TMEM87A: variants seen among roughly 807,000 people sequenced by gnomAD.
TMEM87A encodes the protein transmembrane protein 87A, also known as Golgi-pH regulating cation channel.
TMEM87A carries 50 observed loss-of-function variants against 90.0 expected under a neutral mutation model. The ratio of observed to expected loss-of-function variants is 0.56; its 90% CI spans 0.44 to 0.70. TMEM87A has a LOEUF of 0.70. TMEM87A is among the 30% of genes least tolerant of loss of function. TMEM87A has a pLI of 0.00. For missense variants in TMEM87A, 577 were observed against 660.5 expected (o/e 0.87, Z 1.39); for synonymous variants, 226 against 226.7 (o/e 1.00, Z 0.03).
intron 6 of TMEM87A, among the ~76,000 whole-genome samples, chr15:42,252,371 C>T (rs2051103276): frequency 6.6e-6 from 1 of 152,182 alleles, no homozygotes; most frequent in South Asian, 2.1e-4. Context: ...CCTATTTGGC[C>T]ATCTTGGAAT....
At chr15:42,247,844 G>A (rs1485343277) in intron 6 of TMEM87A, among the ~76,000 whole-genome samples, 1 of 152,148 alleles carries the variant, frequency 6.6e-6, no homozygotes. Context: ...TAGCTTGATG[G>A]GGATGGCATT....
chr15:42,237,277 A>G (rs2050786313), intron 9 of TMEM87A, among the ~76,000 whole-genome samples, 155 bp downstream of exon 9: 1 of 152,214 alleles, frequency 6.6e-6, no homozygotes, highest in African/African-American at 2.4e-5. Context: ...TAAGATTAAA[A>G]ACAAAAGTCA....
intron 10 of TMEM87A, among the ~76,000 whole-genome samples, chr15:42,235,462 C>T (rs1449754678): frequency 6.6e-6 from 1 of 152,220 alleles, no homozygotes; most frequent in Non-Finnish European, 1.5e-5. Flanking sequence ...CTGCTCCACA[C>T]TTATTTCACC....
chr15:42,264,407 CTT>C (rs2051357366), intron 3 of TMEM87A, among the ~76,000 whole-genome samples: 2 of 152,092 alleles, frequency 1.3e-5, no homozygotes, highest in Admixed American at 6.5e-5. Context: ...AGACTCTAGT[CTT>C]TGGCTCACAA....
chr15:42,237,813 C>A (rs907589916), intron 8 of TMEM87A, among the ~76,000 whole-genome samples, 198 bp from the exon 9 acceptor site: 84 of 151,840 alleles, frequency 5.5e-4, no homozygotes, highest in Admixed American at 5.4e-3. Context: ...CAGGCATAAG[C>A]CACAGCGCCT....
chr15:42,273,561 G>A, upstream of TMEM87A: 1 of 1,285,732 alleles, frequency 7.8e-7, no homozygotes, highest in Non-Finnish European at 1.0e-6. Context: ...AGTCGTCTGT[G>A]CGCCGTGAGA....
At chr15:42,220,652 G>A (rs1595707569) in intron 15 of TMEM87A, among the ~76,000 whole-genome samples, 2 of 152,242 alleles carry the variant, frequency 1.3e-5, no homozygotes, top group African/African-American at 4.8e-5. Flanking sequence ...GTTTACAAGT[G>A]GGAAGCTCAG....
Position 42,217,912 on chromosome 15 carries a change from C to A in TMEM87A, c.1596-79G>T, listed in dbSNP as rs560286519. The A allele has an allele frequency of 5.1e-6, 7 of 1,381,918 alleles. No homozygotes were observed. In the East Asian group the frequency reaches 1.2e-4, roughly 23 times the overall value. The allele number at this position is 1,381,918 out of a possible 1,614,324, so 85.6% of individuals were successfully genotyped here. A position where few individuals can be genotyped will look rare whatever the true frequency, so the allele number is the denominator to read the frequency against. ...GTTCATAAAAGACAATGGAATAATGCAATTAAAAGCTTTATAATTATCTAA... is the reference window on the plus strand; with the variant it reads ...GTTCATAAAAGACAATGGAATAATGAAATTAAAAGCTTTATAATTATCTAA... On this transcript the variant is annotated intron_variant, in intron 18 of 19. Transcript: ENST00000389834.
rs1171218381 is a variant in TMEM87A at position 42,211,694 on chromosome 15, A to T, written c.*14T>A. On this transcript the variant is annotated 3_prime_UTR_variant, in exon 20 of 20. Coordinates refer to ENST00000389834, the MANE Select transcript of TMEM87A (RefSeq NM_015497.5). Reference sequence around the variant, plus strand: ...CTGATGGTAGCCATCTTTAACTGCAAATCTTCCCATTCCTTACTCCATTTT... The same window carrying T: ...CTGATGGTAGCCATCTTTAACTGCATATCTTCCCATTCCTTACTCCATTTT... 6.2e-7 allele frequency: 1 copy of T among 1,613,224 alleles called. No individual in the cohort carries two copies.
intron 4 of TMEM87A, among the ~76,000 whole-genome samples, chr15:42,263,086 C>G (rs2051329060): frequency 6.6e-6 from 1 of 152,074 alleles, no homozygotes; most frequent in Non-Finnish European, 1.5e-5. Flanking sequence ...TTTAAAAACC[C>G]TGATTTTTCT....
At chr15:42,234,744 A>G (rs1240797048) in intron 10 of TMEM87A, among the ~76,000 whole-genome samples, 2 of 152,156 alleles carry the variant, frequency 1.3e-5, no homozygotes, top group Non-Finnish European at 2.9e-5. Context: ...CTCCCCAATT[A>G]GGCTTTTGTC....
chr15:42,219,220 G>A (rs2050431091), intron 17 of TMEM87A, among the ~76,000 whole-genome samples: 1 of 152,134 alleles, frequency 6.6e-6, no homozygotes, highest in African/African-American at 2.4e-5. Context: ...GTTAAGAAAT[G>A]TATATTCAGG....
chr15:42,220,383 T>A (rs1207312156), intron 15 of TMEM87A, among the ~76,000 whole-genome samples: 1 of 152,224 alleles, frequency 6.6e-6, no homozygotes, highest in African/African-American at 2.4e-5. Context: ...ACTAGTTACT[T>A]AATCTCTCTG....
intron 6 of TMEM87A, among the ~76,000 whole-genome samples, chr15:42,250,495 T>C (rs1193805969): frequency 6.6e-6 from 1 of 152,240 alleles, no homozygotes; most frequent in East Asian, 1.9e-4. Flanking sequence ...TTTGCTTGTC[T>C]GTAAAGGATT....
chr15:42,222,769 C>T (rs537954724), intron 15 of TMEM87A, among the ~76,000 whole-genome samples: 3 of 149,370 alleles, frequency 2.0e-5, no homozygotes, highest in South Asian at 4.3e-4. Context: ...CATGTTGGTC[C>T]GGCTGGTCTC....
intron 14 of TMEM87A, 171 bp from the exon 15 acceptor site, chr15:42,227,080 GT>G: frequency 6.4e-6 from 4 of 620,502 alleles, no homozygotes; most frequent in South Asian, 4.2e-5. Flanking sequence ...GTGAATGAAT[GT>G]AGTTTTTGCC....
At chr15:42,237,761 C>A in intron 8 of TMEM87A, 146 bp from the exon 9 acceptor site, 3 of 631,582 alleles carry the variant, frequency 4.7e-6, no homozygotes, top group Non-Finnish European at 7.2e-6. Flanking sequence ...CTTCTGGACT[C>A]AAGCAATCCT....
rs2050415765 is a variant in TMEM87A, at chr15:42,218,342, G to A, written c.1576C>T (p.Pro526Ser). The A allele has an allele frequency of 6.2e-7, 1 of 1,613,704 alleles. No homozygotes were observed. Residue 526 changes from proline (P) to serine (S), a missense_variant, in exon 18 of 20, where the codon CCT becomes TCT. Physicochemically the swap from Pro to Ser is moderately conservative, Grantham distance 74. Coordinates refer to ENST00000389834, the MANE Select transcript of TMEM87A (RefSeq NM_015497.5). ...DDLKWVEENV[P>S]SSVTDVALPA... ...ACTTACACATCTGTCACAGAAGAAG[G>A]AACATTCTCTTCTACCCACTTCAAA...
At chr15:42,213,047 T>A (rs1029439455) in intron 19 of TMEM87A, among the ~76,000 whole-genome samples, 1 of 152,170 alleles carries the variant, frequency 6.6e-6, no homozygotes, top group Non-Finnish European at 1.5e-5. Flanking sequence ...TAGGAAAGCA[T>A]GAAACCAGCT....
Sources: gnomAD v4.1 joint callset for allele counts (sites outside exome capture counted in the v4.1 genomes callset) on GRCh38, gnomAD v4.1.1 for gene constraint, MANE v1.5 for transcripts, NCBI Gene and HGNC (gene_info 2026-07-23, HGNC 2026-07-21) for gene names.